The following RBMS3 variants were observed in gnomAD, a reference collection of about 807,000 sequenced individuals.
The protein encoded by RBMS3 is RNA binding motif single stranded interacting protein 3, also known as RNA-binding motif, single-stranded-interacting protein 3.
RBMS3 carries 27 observed loss-of-function variants against 66.8 expected under a neutral mutation model. The observed-to-expected ratio is 0.40, with a 90% CI of 0.30 to 0.56. RBMS3 has a LOEUF of 0.56. RBMS3 is among the 20% of genes least tolerant of loss of function. The pLI is 0.40. For missense variants in RBMS3, 513 were observed against 549.5 expected (o/e 0.93, Z 0.66); for synonymous variants, 188 against 183.0 (o/e 1.03, Z -0.22).
intron 1 of RBMS3, among the ~76,000 whole-genome samples, chr3:29,422,339 G>T (rs73042556): frequency 6.8e-6 from 1 of 147,552 alleles, no homozygotes; most frequent in Non-Finnish European, 1.5e-5. Flanking sequence ...AGAAGAAAAA[G>T]CAGAACTGTC....
chr3:29,764,920 CA>C (rs1221032663), intron 6 of RBMS3, among the ~76,000 whole-genome samples: 3 of 151,898 alleles, frequency 2.0e-5, no homozygotes, highest in Non-Finnish European at 2.9e-5. Context: ...ACAAGAAAGA[CA>C]AAATAATTAT....
chr3:29,346,021 G>A (rs189074816), intron 1 of RBMS3, among the ~76,000 whole-genome samples: 1 of 152,304 alleles, frequency 6.6e-6, no homozygotes, highest in African/African-American at 2.4e-5. Flanking sequence ...TGGTTTTCCT[G>A]TGAGTCTTTA....
At chr3:29,895,212 A>AT (rs1196202049) in intron 8 of RBMS3, among the ~76,000 whole-genome samples, 1 of 151,568 alleles carries the variant, frequency 6.6e-6, no homozygotes. Flanking sequence ...ATGTTCAATA[A>AT]TTTTTTAAAA....
At chr3:29,783,877 A>G (rs144934907) in intron 6 of RBMS3, among the ~76,000 whole-genome samples, 3,766 of 152,274 alleles carry the variant, frequency 0.025, 79 homozygotes, top group East Asian at 0.13. Context: ...ATGGACACCA[A>G]AAGTGAGCAG....
intron 10 of RBMS3, among the ~76,000 whole-genome samples, chr3:29,902,551 T>TA (rs200509727): frequency 0.049 from 7,395 of 150,948 alleles, 266 homozygotes; most frequent in Middle Eastern, 0.17. Context: ...ACCTAAAACT[T>TA]AAAAAAAAAT....
chr3:29,785,369 A>G (rs937350957), intron 6 of RBMS3, among the ~76,000 whole-genome samples: 1 of 152,130 alleles, frequency 6.6e-6, no homozygotes, highest in Admixed American at 6.6e-5. Flanking sequence ...AACGTATGCA[A>G]TCTAAAAATT....
intron 1 of RBMS3, among the ~76,000 whole-genome samples, chr3:29,285,838 A>C (rs1017552662): frequency 2.0e-5 from 3 of 152,154 alleles, no homozygotes; most frequent in Admixed American, 1.3e-4. Context: ...GCTTCCACGG[A>C]GCAAAGGATA....
At chr3:29,634,621 G>A (rs1017379094) in intron 4 of RBMS3, among the ~76,000 whole-genome samples, 1 of 151,730 alleles carries the variant, frequency 6.6e-6, no homozygotes, top group Non-Finnish European at 1.5e-5. Context: ...TTGATAATAC[G>A]CTCTTTATTG....
At chr3:29,450,369 T>C (rs2041973456) in intron 2 of RBMS3, among the ~76,000 whole-genome samples, 1 of 152,198 alleles carries the variant, frequency 6.6e-6, no homozygotes, top group African/African-American at 2.4e-5. Context: ...CCAATGTTTT[T>C]ATGGCCTTCC....
chr3:29,887,863 C>T (rs1427619995), intron 8 of RBMS3, among the ~76,000 whole-genome samples: 3 of 151,782 alleles, frequency 2.0e-5, no homozygotes, highest in Non-Finnish European at 4.4e-5. Context: ...GACATAATTT[C>T]CCAAATACTC....
At position 29,534,490 on chromosome 3, in the gene RBMS3, A is replaced by T. The variant is rs947871126; in HGVS notation, c.307+45991A>T. On this transcript the variant is annotated intron_variant, in intron 3 of 14. Transcript: ENST00000383767. ...CTCTGTAATAGGGAAGAAAACAATA[A>T]AAATGTTGTCTTTCTTACAGGCATA... Among the ~76,000 whole-genome samples, 6 of 152,330 alleles carry T rather than the reference A, an allele frequency of 3.9e-5. No homozygotes were observed. The South Asian group carries it at 1.2e-3, about 32-fold the overall frequency.
At chr3:29,722,916 A>C (rs2149323409) in intron 4 of RBMS3, among the ~76,000 whole-genome samples, 1 of 152,130 alleles carries the variant, frequency 6.6e-6, no homozygotes, top group South Asian at 2.1e-4. Context: ...ACAGTTTTCC[A>C]TGGAGATTGA....
intron 4 of RBMS3, among the ~76,000 whole-genome samples, chr3:29,701,371 C>G (rs1451623719): frequency 6.6e-6 from 1 of 152,232 alleles, no homozygotes; most frequent in Non-Finnish European, 1.5e-5. Flanking sequence ...TCACTCACTG[C>G]AGTCTAGAGA....
intron 4 of RBMS3, among the ~76,000 whole-genome samples, chr3:29,627,733 T>G (rs538551617): frequency 6.6e-6 from 1 of 152,278 alleles, no homozygotes; most frequent in South Asian, 2.1e-4. Flanking sequence ...TGTGTCCTAC[T>G]TACCATCTGT....
chr3:29,794,204 T>C (rs529902531), intron 6 of RBMS3, among the ~76,000 whole-genome samples: 15 of 152,260 alleles, frequency 9.9e-5, no homozygotes, highest in South Asian at 8.3e-4. Context: ...TACTACACCA[T>C]TGGACCCTGA....
rs1243568558 is a variant in RBMS3, at chr3:30,005,089, GTTTCT to G, written c.*1236_*1240del. The G allele has an allele frequency of 2.1e-5, 3 of 143,874 alleles. No homozygotes were observed. In the East Asian group the frequency reaches 6.5e-4, roughly 31 times the overall value. 8.9% of individuals were successfully genotyped at this position (143,874 alleles called of 1,614,324 possible). On this transcript the variant is annotated 3_prime_UTR_variant, in exon 15 of 15. Coordinates refer to ENST00000383767, the MANE Select transcript of RBMS3 (RefSeq NM_001003793.3). ...AGTCCAGAAGATAGAGGTTGTTTTCGTTTCTTTTCTTTTTAAAAAAAAAAAAATTT... is the reference window on the plus strand; with the variant it reads ...AGTCCAGAAGATAGAGGTTGTTTTCGTTTCTTTTTAAAAAAAAAAAAATTT...
intron 4 of RBMS3, among the ~76,000 whole-genome samples, chr3:29,695,793 T>A (rs1208916766): frequency 6.6e-6 from 1 of 152,232 alleles, no homozygotes; most frequent in Non-Finnish European, 1.5e-5. Flanking sequence ...TTGCCAACTC[T>A]TGCTTCATTG....
chr3:29,935,530 AT>A (rs1368279818), intron 10 of RBMS3, among the ~76,000 whole-genome samples: 1 of 152,156 alleles, frequency 6.6e-6, no homozygotes, highest in Non-Finnish European at 1.5e-5. Flanking sequence ...CAAATGGGAA[AT>A]AGTAATTTCG....
intron 1 of RBMS3, among the ~76,000 whole-genome samples, chr3:29,388,807 G>A (rs367909811): frequency 2.6e-5 from 4 of 152,070 alleles, no homozygotes; most frequent in South Asian, 2.1e-4. Context: ...CTCGTGATCC[G>A]CCCGCCTTGG....
Sources: gnomAD v4.1 joint callset for allele counts (sites outside exome capture counted in the v4.1 genomes callset) on GRCh38, gnomAD v4.1.1 for gene constraint, MANE v1.5 for transcripts, NCBI Gene and HGNC (gene_info 2026-07-23, HGNC 2026-07-21) for gene names.